Variants in NCKAP5 observed in about 807,000 individuals in gnomAD.
The protein encoded by NCKAP5 is NCK associated protein 5.
A neutral mutation model predicts 167.0 loss-of-function variants in NCKAP5; 92 were observed. The observed-to-expected ratio is 0.55, with a 90% CI of 0.47 to 0.66. The LOEUF is 0.66. Among genes scored for constraint, NCKAP5 ranks in the 30% least tolerant of loss-of-function variants. NCKAP5 has a pLI of 0.00. For missense variants in NCKAP5, 2,378 were observed against 2,315.0 expected, an observed-to-expected ratio of 1.03 and a Z score of -0.56; for synonymous variants, 891 against 877.4, an observed-to-expected ratio of 1.02 and a Z score of -0.27.
At position 132,785,467 on chromosome 2, in the gene NCKAP5, C is replaced by T. The variant is rs201469317; in HGVS notation, c.1344G>A (p.Glu448=). ...GGTCAGCTGTTTTGCAGGGGGGATA[C>T]TCCTTGAGGCTGCTACTTTTAATTC... The part of the protein sequence containing the change: ...SPGIKSSSLK[E]YPPCKTADLG... The change falls in exon 14 of 20, where the codon GAG becomes GAA. Residue 448 remains glutamate (E), a synonymous_variant. Transcript: ENST00000409261. 1.6e-4 allele frequency: 252 copies of T among 1,613,396 alleles called. 2 individuals are homozygous for T. In the East Asian group the frequency reaches 5.5e-3, roughly 36 times the overall value.
At chr2:132,955,352 C>A (rs1020723218) in intron 8 of NCKAP5, among the ~76,000 whole-genome samples, 2 of 152,100 alleles carry the variant, frequency 1.3e-5, no homozygotes, top group African/African-American at 4.8e-5. Flanking sequence ...TGGCACTGGG[C>A]ACATGTGGGA....
intron 15 of NCKAP5, among the ~76,000 whole-genome samples, chr2:132,777,100 C>A (rs1234153580): frequency 3.3e-5 from 5 of 152,326 alleles, no homozygotes; most frequent in Non-Finnish European, 7.4e-5. Context: ...GACTCACAAG[C>A]AACAACCATG....
At chr2:132,863,953 C>A (rs190162731) in intron 10 of NCKAP5, among the ~76,000 whole-genome samples, 47 of 152,310 alleles carry the variant, frequency 3.1e-4, no homozygotes, top group African/African-American at 1.1e-3. Flanking sequence ...GGGCAGATGG[C>A]TGTCTTAGCT....
At chr2:133,492,303 T>C (rs1165126271) in intron 3 of NCKAP5, among the ~76,000 whole-genome samples, 1 of 152,080 alleles carries the variant, frequency 6.6e-6, no homozygotes, top group Admixed American at 6.5e-5. Context: ...GCCTCAATTG[T>C]AAAATGGGGA....
intron 5 of NCKAP5, among the ~76,000 whole-genome samples, chr2:133,133,328 A>G (rs2082676686): frequency 6.6e-6 from 1 of 152,188 alleles, no homozygotes; most frequent in Non-Finnish European, 1.5e-5. Flanking sequence ...ACACCTGCCT[A>G]GGAGAGCCTC....
At chr2:132,948,016 C>T (rs1038471392) in intron 8 of NCKAP5, among the ~76,000 whole-genome samples, 1 of 152,192 alleles carries the variant, frequency 6.6e-6, no homozygotes, top group Non-Finnish European at 1.5e-5. Context: ...TCTGAACCAA[C>T]TTCTCAGCAT....
At chr2:132,751,193 G>T (rs1680081192) in intron 16 of NCKAP5, among the ~76,000 whole-genome samples, 1 of 151,962 alleles carries the variant, frequency 6.6e-6, no homozygotes, top group Non-Finnish European at 1.5e-5. Flanking sequence ...GAGGGAGTGG[G>T]TTCTCACCTT....
intron 3 of NCKAP5, among the ~76,000 whole-genome samples, chr2:133,506,418 AC>A (rs1262461123): frequency 3.3e-5 from 5 of 151,734 alleles, no homozygotes; most frequent in African/African-American, 1.2e-4. Context: ...TCTACCCTTC[AC>A]CCTTCCCTGC....
the NCKAP5 span, among the ~76,000 whole-genome samples, chr2:133,574,603 C>CTT: frequency 4.1e-3 from 521 of 127,204 alleles, 8 homozygotes; most frequent in African/African-American, 0.015. Flanking sequence ...TTCTTCTTTC[C>CTT]TTTTTTTTTT....
chr2:132,823,276 A>G (rs1686892188), intron 11 of NCKAP5, among the ~76,000 whole-genome samples: 1 of 152,134 alleles, frequency 6.6e-6, no homozygotes, highest in Non-Finnish European at 1.5e-5. Flanking sequence ...AAAACAAGGG[A>G]AAGTATCTTA....
chr2:133,638,935 A>G, the NCKAP5 span, among the ~76,000 whole-genome samples: 1 of 152,172 alleles, frequency 6.6e-6, no homozygotes, highest in African/African-American at 2.4e-5. Context: ...AAGTACTTGC[A>G]ATGTGTAATT....
chr2:132,834,593 C>A (rs984510289), intron 11 of NCKAP5, among the ~76,000 whole-genome samples: 7 of 152,182 alleles, frequency 4.6e-5, no homozygotes, highest in Non-Finnish European at 1.0e-4. Flanking sequence ...GATCTACCGA[C>A]CTCGGCCTCC....
At chr2:133,130,225 A>G in intron 5 of NCKAP5, 114 bp from the exon 6 acceptor site, 2 of 1,180,864 alleles carry the variant, frequency 1.7e-6, no homozygotes, top group Non-Finnish European at 1.2e-6. Flanking sequence ...CATCCTTTGA[A>G]CAACCCCACG....
intron 3 of NCKAP5, chr2:133,381,655 C>A (rs750703787): frequency 1.3e-5 from 2 of 152,244 alleles, no homozygotes; most frequent in Non-Finnish European, 2.9e-5. Flanking sequence ...ATCACAGTGG[C>A]CAAATCCCAT....
At position 133,087,498 on chromosome 2, in the gene NCKAP5, G is replaced by A. The variant is rs540495976; in HGVS notation, c.341+42480C>T. On this transcript the variant is annotated intron_variant, in intron 6 of 19. Coordinates refer to ENST00000409261, the MANE Select transcript of NCKAP5 (RefSeq NM_207363.3). ...CTTCACTGTATGCAAACTCTGATAAGTGGATGAAATGTGTTGTTTCTTAAT... is the reference window on the plus strand; with the variant it reads ...CTTCACTGTATGCAAACTCTGATAAATGGATGAAATGTGTTGTTTCTTAAT... 2.6e-5 allele frequency among the ~76,000 whole-genome samples: 4 copies of A among 152,314 alleles called. No individual in the cohort carries two copies. The South Asian group carries it at 8.3e-4, about 32-fold the overall frequency.
At chr2:133,053,715 T>G (rs530472777) in intron 6 of NCKAP5, among the ~76,000 whole-genome samples, 12 of 152,316 alleles carry the variant, frequency 7.9e-5, no homozygotes, top group African/African-American at 2.9e-4. Flanking sequence ...GGGTAAGATT[T>G]CAAAGCAAGC....
At position 133,547,250 on chromosome 2, in the gene NCKAP5, G is replaced by A. The variant is rs545252207; in HGVS notation, c.-62+11800C>T. ...CTACGCCCACGGAGTCTCGCTGACT[G>A]CTAGCACAGCAGTCTGAGATCAAAC... On this transcript the variant is annotated intron_variant, in intron 2 of 19. Coordinates refer to ENST00000409261, the MANE Select transcript of NCKAP5 (RefSeq NM_207363.3). Among the ~76,000 whole-genome samples the A allele has an allele frequency of 2.3e-3, 350 of 152,290 alleles. 1 individual carries two copies. Among genetic ancestry groups the A allele is most frequent in the East Asian group, 4.1e-3 (21 of 5,174 alleles).
intron 5 of NCKAP5, among the ~76,000 whole-genome samples, chr2:133,205,059 C>T (rs1443372278): frequency 6.6e-6 from 1 of 152,058 alleles, no homozygotes; most frequent in Non-Finnish European, 1.5e-5. Context: ...GAGGCTGAGG[C>T]TGGTGGATCC....
chr2:132,892,062 A>G (rs1692751954), intron 8 of NCKAP5, among the ~76,000 whole-genome samples: 1 of 152,162 alleles, frequency 6.6e-6, no homozygotes. Flanking sequence ...GCTTTAATGC[A>G]GGGGGTGGTG....
Sources: allele counts gnomAD v4.1 joint callset (sites outside exome capture counted in the v4.1 genomes callset), GRCh38; gene constraint gnomAD v4.1.1; transcripts MANE v1.5; gene names NCBI Gene and HGNC (gene_info 2026-07-23, HGNC 2026-07-21).